PCSK5: variants seen among roughly 807,000 people sequenced by gnomAD.
PCSK5 encodes the protein proprotein convertase subtilisin/kexin type 5, also known as prohormone convertase 5.
A neutral mutation model predicts 233.2 loss-of-function variants in PCSK5; 129 were observed. The ratio of observed to expected loss-of-function variants is 0.55; its 90% CI spans 0.48 to 0.64. The LOEUF (loss-of-function observed/expected upper bound fraction) is 0.64. Among genes scored for constraint, PCSK5 ranks in the 30% least tolerant of loss-of-function variants. The pLI, the probability that PCSK5 is intolerant of heterozygous loss-of-function variation, is 0.00. For synonymous variants in PCSK5, 825 were observed against 879.2 expected (o/e 0.94, Z 1.09); for missense variants, 2,076 against 2,430.1 (o/e 0.85, Z 3.06).
intron 24 of PCSK5, among the ~76,000 whole-genome samples, chr9:76,257,434 G>A (rs1212394143): frequency 1.3e-5 from 2 of 152,146 alleles, no homozygotes; most frequent in Non-Finnish European, 2.9e-5. Flanking sequence ...TTGGGCCAAC[G>A]ATGAGTGTCA....
chr9:76,167,976 T>C, intron 12 of PCSK5, among the ~76,000 whole-genome samples: 1 of 152,196 alleles, frequency 6.6e-6, no homozygotes, highest in East Asian at 1.9e-4. Flanking sequence ...TTTTACTCTT[T>C]TTTTATTTTT....
Position 76,360,624 on chromosome 9 carries a change from CT to C in PCSK5, c.*1705del, listed in dbSNP as rs1453230345. On this transcript the variant is annotated 3_prime_UTR_variant, in exon 38 of 38. Coordinates refer to ENST00000674117, the MANE Select transcript of PCSK5 (RefSeq NM_001372043.1). ...TTCAGTTTACTAAAGGCTTGTGCTT[CT>C]TTAGAGGAAAGCTCTTAAAACAGGG... 1 of 152,138 alleles carries C rather than the reference CT, an allele frequency of 6.6e-6. No individual in the cohort carries two copies. The highest frequency in any genetic ancestry group is 1.5e-5 in the Non-Finnish European group (1 of 68,014). 9.4% of individuals were successfully genotyped at this position (152,138 alleles called of 1,614,324 possible).
intron 32 of PCSK5, among the ~76,000 whole-genome samples, chr9:76,325,732 G>A (rs1423926930): frequency 6.6e-6 from 1 of 151,830 alleles, no homozygotes; most frequent in Non-Finnish European, 1.5e-5. Context: ...CCGCCTCCCT[G>A]GTTCAAGAGA....
intron 2 of PCSK5, among the ~76,000 whole-genome samples, chr9:75,952,647 A>G (rs1189471141): frequency 6.6e-6 from 1 of 152,110 alleles, no homozygotes; most frequent in Non-Finnish European, 1.5e-5. Context: ...GCTTCCTGCC[A>G]CCATTGATCT....
intron 9 of PCSK5, among the ~76,000 whole-genome samples, chr9:76,133,130 A>T (rs1214385073): frequency 6.6e-6 from 1 of 152,012 alleles, no homozygotes; most frequent in Non-Finnish European, 1.5e-5. Flanking sequence ...ATCCTTTGCA[A>T]ATATTGTTGC....
chr9:76,103,643 G>A (rs1244088562), intron 8 of PCSK5, among the ~76,000 whole-genome samples: 2 of 152,166 alleles, frequency 1.3e-5, no homozygotes, highest in Non-Finnish European at 1.5e-5. Context: ...GTCATCAAAG[G>A]ATGATGACAT....
chr9:76,089,887 A>G (rs1010154154), intron 7 of PCSK5, among the ~76,000 whole-genome samples: 12 of 152,158 alleles, frequency 7.9e-5, no homozygotes, highest in African/African-American at 2.9e-4. Flanking sequence ...ATTCTTTTCT[A>G]TCCTTTAATA....
At chr9:76,117,668 C>T (rs543272852) in intron 9 of PCSK5, among the ~76,000 whole-genome samples, 1 of 152,206 alleles carries the variant, frequency 6.6e-6, no homozygotes, top group South Asian at 2.1e-4. Context: ...ATTCCTATAA[C>T]AAATTTAGAA....
intron 20 of PCSK5, among the ~76,000 whole-genome samples, chr9:76,198,103 C>T (rs955251391): frequency 2.0e-5 from 3 of 152,176 alleles, no homozygotes; most frequent in African/African-American, 4.8e-5. Context: ...TACGTTTCAG[C>T]GGACCAGAAT....
intron 3 of PCSK5, among the ~76,000 whole-genome samples, chr9:75,987,165 G>A (rs527432141): frequency 3.2e-4 from 48 of 152,068 alleles, no homozygotes; most frequent in Middle Eastern, 6.8e-3. Flanking sequence ...TGCTTTCCTG[G>A]CTCCCTGCCT....
At chr9:76,345,765 G>A (rs970757596) in intron 35 of PCSK5, among the ~76,000 whole-genome samples, 2 of 151,200 alleles carry the variant, frequency 1.3e-5, no homozygotes, top group African/African-American at 4.9e-5. Context: ...TGTTGCCCAG[G>A]CTTGAGTGCA....
chr9:76,297,953 G>A (rs1381408926), intron 27 of PCSK5, among the ~76,000 whole-genome samples: 1 of 152,168 alleles, frequency 6.6e-6, no homozygotes, highest in Non-Finnish European at 1.5e-5. Flanking sequence ...CGGAGAACAC[G>A]GGCCCTATTT....
At chr9:75,987,368 T>TAC (rs1563956964) in intron 3 of PCSK5, among the ~76,000 whole-genome samples, 1 of 152,200 alleles carries the variant, frequency 6.6e-6, no homozygotes, top group Non-Finnish European at 1.5e-5. Flanking sequence ...CATGGCACTT[T>TAC]ACACTGTAGT....
chr9:76,219,684 G>T (rs904629188), intron 20 of PCSK5, among the ~76,000 whole-genome samples: 1 of 152,114 alleles, frequency 6.6e-6, no homozygotes, highest in Non-Finnish European at 1.5e-5. Context: ...CATGGGAAGC[G>T]CTCTCAGCAG....
At chr9:75,950,868 T>C (rs548552271) in intron 2 of PCSK5, among the ~76,000 whole-genome samples, 46 of 152,346 alleles carry the variant, frequency 3.0e-4, no homozygotes, top group Admixed American at 3.3e-4. Context: ...ATGTGCTAAA[T>C]GCTCCAATTA....
chr9:75,944,490 C>T (rs1049476327), intron 2 of PCSK5, among the ~76,000 whole-genome samples: 2 of 152,126 alleles, frequency 1.3e-5, no homozygotes, highest in South Asian at 4.1e-4. Flanking sequence ...CTGTTCTCAT[C>T]TGACTCCACC....
chr9:76,357,533 T>C (rs1830331929), intron 37 of PCSK5, among the ~76,000 whole-genome samples: 1 of 152,010 alleles, frequency 6.6e-6, no homozygotes, highest in Non-Finnish European at 1.5e-5. Context: ...AAAAAAACTC[T>C]TAATAATGAT....
chr9:76,181,546 A>G lies in PCSK5; in HGVS notation c.2152A>G (p.Asn718Asp), dbSNP rs1823872769. 1 of 1,613,970 alleles carries G rather than the reference A, an allele frequency of 6.2e-7. No homozygotes were observed. Among genetic ancestry groups the G allele is most frequent in the Non-Finnish European group, 8.5e-7 (1 of 1,179,902 alleles). Residue 718 changes from asparagine to aspartate, a missense_variant, in exon 16 of 38, where the codon AAC becomes GAC. This residue lies in a region of PCSK5 where 1,510 missense variants were observed against 1,538.1 expected (regional missense o/e 0.98). Coordinates refer to ENST00000674117, the MANE Select transcript of PCSK5 (RefSeq NM_001372043.1). The stretch of plus-strand genomic sequence containing the variant: ...TGGATACTTTCTGAATGAAGAAACC[A>G]ACAGCTGTGTTACTCACTGCCCTGA... ...KYGYFLNEET[N>D]SCVTHCPDGS...
chr9:75,965,413 T>G (rs1825539465), intron 2 of PCSK5, among the ~76,000 whole-genome samples: 1 of 152,110 alleles, frequency 6.6e-6, no homozygotes, highest in African/African-American at 2.4e-5. Flanking sequence ...AGTAGTGTAA[T>G]TCCAGCCTGA....
Sources: gnomAD v4.1 joint callset for allele counts (sites outside exome capture counted in the v4.1 genomes callset) on GRCh38, gnomAD v4.1.1 for gene constraint, gnomAD v4.1.1 regional missense constraint, MANE v1.5 for transcripts, NCBI Gene and HGNC (gene_info 2026-07-23, HGNC 2026-07-21) for gene names.